ALDH1L1: variants seen among roughly 807,000 people sequenced by gnomAD.
ALDH1L1 encodes aldehyde dehydrogenase 1 family member L1.
Under a neutral mutation model 101.1 loss-of-function variants are expected in ALDH1L1, and 68 were observed. The ratio of observed to expected loss-of-function variants is 0.67; its 90% confidence interval spans 0.55 to 0.82. The LOEUF (loss-of-function observed/expected upper bound fraction) is 0.82, where lower values mean the gene tolerates loss of function less well. ALDH1L1 is among the 40% of genes least tolerant of loss of function. ALDH1L1 has a pLI of 0.00. For missense variants in ALDH1L1, 1,087 were observed against 1,172.7 expected, an observed-to-expected ratio of 0.93 and a Z score of 1.07; for synonymous variants, 486 against 470.8, an observed-to-expected ratio of 1.03 and a Z score of -0.42.
intron 14 of ALDH1L1, chr3:126,129,995 T>C (rs139169071): frequency 5.3e-4 from 208 of 391,402 alleles, no homozygotes; most frequent in African/African-American, 4.0e-3. Context: ...TTTACTCTTG[T>C]TTCCCACCGT....
chr3:126,146,187 G>A (rs941932379), intron 9 of ALDH1L1, among the ~76,000 whole-genome samples: 1 of 152,140 alleles, frequency 6.6e-6, no homozygotes, highest in Non-Finnish European at 1.5e-5. Context: ...AGCAAGATGT[G>A]GAGTTTCTTT....
At chr3:126,182,624 T>A (rs1331511846), upstream of ALDH1L1, among the ~76,000 whole-genome samples, 1 of 152,130 alleles carries the variant, frequency 6.6e-6, no homozygotes, top group Non-Finnish European at 1.5e-5. Flanking sequence ...GTTAGGGGCC[T>A]GCAATGGGAA....
chr3:126,156,784 A>G (rs2080916406), intron 4 of ALDH1L1: 1 of 152,314 alleles, frequency 6.6e-6, no homozygotes, highest in African/African-American at 2.4e-5. Flanking sequence ...TGATTGGCTC[A>G]TGAGGATCAC....
At chr3:126,112,283 C>T (rs569570380) in intron 19 of ALDH1L1, among the ~76,000 whole-genome samples, 2 of 152,306 alleles carry the variant, frequency 1.3e-5, no homozygotes, top group African/African-American at 4.8e-5. Flanking sequence ...GCTGGCGGCC[C>T]ACAGCCAAGC....
intron 7 of ALDH1L1, chr3:126,152,380 C>A: frequency 6.6e-6 from 1 of 152,340 alleles, no homozygotes. Flanking sequence ...GAATTTTTAC[C>A]TTAGATGCTG....
rs140130459 is a variant in ALDH1L1, at chr3:126,195,000, G to T, written c.-24+2735C>A. ...AAACATCCCTCTTTTTAAACAACTAGTTATTTTATTTTAGGACAAAAATTT... is the reference window on the plus strand; with the variant it reads ...AAACATCCCTCTTTTTAAACAACTATTTATTTTATTTTAGGACAAAAATTT... On this transcript the variant is annotated intron_variant, in intron 1 of 2. Coordinates refer to the ALDH1L1 transcript ENST00000509952. Among the ~76,000 whole-genome samples, 562 of 151,718 alleles carry T rather than the reference G, an allele frequency of 3.7e-3. 2 individuals carry two copies. The highest frequency in any genetic ancestry group is 0.013 in the African/African-American group (518 of 41,350).
chr3:126,123,086 G>GT (rs1488703142), intron 16 of ALDH1L1, among the ~76,000 whole-genome samples: 2 of 152,170 alleles, frequency 1.3e-5, no homozygotes, highest in East Asian at 3.9e-4. Context: ...TGGGTTGAAA[G>GT]TAAAAAAATG....
chr3:126,146,775 C>G, intron 9 of ALDH1L1, 60 bp downstream of exon 9: 1 of 1,566,458 alleles, frequency 6.4e-7, no homozygotes, highest in African/African-American at 1.4e-5. Context: ...CTCAGTTTTG[C>G]AGAGATTTGT....
At chr3:126,165,398 C>G (rs1489095541) in intron 1 of ALDH1L1, among the ~76,000 whole-genome samples, 1 of 152,156 alleles carries the variant, frequency 6.6e-6, no homozygotes. Flanking sequence ...TTTGTTATGT[C>G]TCTGCCAGAT....
At chr3:126,186,608 A>AT (rs1484367681) in intron 1 of ALDH1L1, among the ~76,000 whole-genome samples, 8 of 151,914 alleles carry the variant, frequency 5.3e-5, no homozygotes, top group African/African-American at 1.9e-4. Flanking sequence ...GGCAACTGTG[A>AT]TCATAACAGG....
At chr3:126,154,474 G>T in intron 6 of ALDH1L1, 80 bp downstream of exon 6, 1 of 1,413,452 alleles carries the variant, frequency 7.1e-7, no homozygotes. Context: ...ATACCAACCA[G>T]TTCAAACATG....
At chr3:126,132,101 G>A (rs908948859) in intron 12 of ALDH1L1, among the ~76,000 whole-genome samples, 21 of 152,262 alleles carry the variant, frequency 1.4e-4, no homozygotes, top group African/African-American at 4.8e-4. Context: ...TGAGCATGCC[G>A]AGGTCGGGTT....
rs569903507 is a variant in ALDH1L1, at chr3:126,161,951, C to T, written c.-23-949G>A. 2.1e-3 allele frequency among the ~76,000 whole-genome samples: 275 copies of T among 131,290 alleles called. 1 individual carries two copies. The highest frequency in any genetic ancestry group is 6.4e-3 in the African/African-American group (225 of 34,892). The allele number at this position is 131,290 out of a possible 152,430, so 86.1% of individuals were successfully genotyped here. On this transcript the variant is annotated intron_variant, in intron 1 of 22. Coordinates refer to ENST00000393434, the MANE Select transcript of ALDH1L1 (RefSeq NM_012190.4). ...TTTCGCTTGATATATATATATATCC[C>T]CTTTATATGTATTCATTTTACATAA...
intron 1 of ALDH1L1, chr3:126,179,802 C>G (rs1358133477): frequency 2.0e-5 from 3 of 152,216 alleles, no homozygotes; most frequent in Non-Finnish European, 4.4e-5. Flanking sequence ...AGATTCTTTC[C>G]TCTCCTAGGC....
At chr3:126,144,556 T>C (rs1233746614) in intron 9 of ALDH1L1, among the ~76,000 whole-genome samples, 3 of 152,190 alleles carry the variant, frequency 2.0e-5, no homozygotes, top group African/African-American at 4.8e-5. Context: ...TAAACATATA[T>C]GGCCAACTAA....
At chr3:126,193,732 G>A (rs1489737969) in intron 1 of ALDH1L1, among the ~76,000 whole-genome samples, 1 of 152,132 alleles carries the variant, frequency 6.6e-6, no homozygotes, top group African/African-American at 2.4e-5. Context: ...GATAACTGAT[G>A]GGTCATAATA....
At chr3:126,154,095 T>A (rs1344262570) in intron 6 of ALDH1L1, among the ~76,000 whole-genome samples, 2 of 152,034 alleles carry the variant, frequency 1.3e-5, no homozygotes, top group African/African-American at 4.8e-5. Flanking sequence ...TTGCACAAAG[T>A]CCACCACACA....
At chr3:126,195,820 G>A (rs545887113) in intron 1 of ALDH1L1, among the ~76,000 whole-genome samples, 7 of 152,168 alleles carry the variant, frequency 4.6e-5, no homozygotes, top group Non-Finnish European at 1.0e-4. Flanking sequence ...TAGGGACATG[G>A]ATGAAGCTGG....
intron 14 of ALDH1L1, 167 bp downstream of exon 14, chr3:126,130,056 G>A (rs2365003): frequency 0.64 from 366,844 of 572,236 alleles, 118,275 homozygotes; most frequent in Middle Eastern, 0.68. Flanking sequence ...TTGTCCTCAA[G>A]TCCTTACAAC....
Sources: gnomAD v4.1 joint callset for allele counts (sites outside exome capture counted in the v4.1 genomes callset) on GRCh38, gnomAD v4.1.1 for gene constraint, MANE v1.5 for transcripts, NCBI Gene and HGNC (gene_info 2026-07-23, HGNC 2026-07-21) for gene names.